Variants in TNKS observed in about 807,000 individuals in gnomAD.
The protein encoded by TNKS is poly [ADP-ribose] polymerase tankyrase-1.
Under a neutral mutation model 135.8 loss-of-function variants are expected in TNKS, and 72 were observed. The ratio of observed to expected loss-of-function variants is 0.53; its 90% CI spans 0.44 to 0.64. The LOEUF (loss-of-function observed/expected upper bound fraction) is 0.64, where lower values mean the gene tolerates loss of function less well. TNKS is among the 30% of genes least tolerant of loss of function. The pLI is 0.00. For missense variants in TNKS, 1,769 were observed against 1,674.0 expected, an observed-to-expected ratio of 1.06 and a Z score of -0.99; for synonymous variants, 849 against 649.3, an observed-to-expected ratio of 1.31 and a Z score of -4.68.
intron 3 of TNKS, among the ~76,000 whole-genome samples, chr8:9,672,700 AC>A (rs1802344747): frequency 1.6e-5 from 2 of 125,964 alleles, no homozygotes; most frequent in African/African-American, 2.9e-5. Flanking sequence ...ACACACACAC[AC>A]ACACACACAC....
At chr8:9,772,229 T>C in intron 26 of TNKS, 1 of 359,914 alleles carries the variant, frequency 2.8e-6, no homozygotes, top group Non-Finnish European at 5.4e-6. Context: ...ATTTGCGTGG[T>C]TTTCTTATTA....
At chr8:9,726,123 G>A (rs1805147751) in intron 12 of TNKS, among the ~76,000 whole-genome samples, 2 of 152,178 alleles carry the variant, frequency 1.3e-5, no homozygotes, top group Non-Finnish European at 2.9e-5. Flanking sequence ...GGGCGCAGTG[G>A]CTCACATCTG....
In TNKS at chr8:9,600,302, G is replaced by C. The variant is rs555722113; in HGVS notation, c.899-15280G>C. On this transcript the variant is annotated intron_variant, in intron 2 of 26. Coordinates refer to ENST00000310430, the MANE Select transcript of TNKS (RefSeq NM_003747.3). Reference sequence around the variant, plus strand: ...GAACTTTATTTTTTTGAACTTTTAAGAATTTTAATTAAAAGTTGTGGGGTT... The same window carrying C: ...GAACTTTATTTTTTTGAACTTTTAACAATTTTAATTAAAAGTTGTGGGGTT... Among the ~76,000 whole-genome samples the C allele has an allele frequency of 3.9e-5, 6 of 152,156 alleles. No individual in the cohort carries two copies. In the East Asian group the frequency reaches 9.7e-4, roughly 24 times the overall value.
intron 14 of TNKS, among the ~76,000 whole-genome samples, chr8:9,732,776 C>A (rs1387480059): frequency 3.3e-5 from 5 of 152,082 alleles, no homozygotes; most frequent in Non-Finnish European, 5.9e-5. Flanking sequence ...TAGTTGACAT[C>A]GTCATTTTTC....
intron 3 of TNKS, among the ~76,000 whole-genome samples, chr8:9,636,131 G>A (rs571386449): frequency 4.9e-4 from 75 of 152,270 alleles, no homozygotes; most frequent in African/African-American, 1.8e-3. Flanking sequence ...TAAAAAATTG[G>A]TTGTTACATA....
intron 3 of TNKS, among the ~76,000 whole-genome samples, chr8:9,663,667 C>G (rs1444101234): frequency 5.9e-5 from 9 of 152,198 alleles, no homozygotes; most frequent in Non-Finnish European, 1.2e-4. Context: ...ATTGGGGGTT[C>G]CCATGACCTC....
rs556857809 is a variant in TNKS, at chr8:9,780,362, T to TC, written c.*3627dup. The stretch of plus-strand genomic sequence containing the variant: ...TGTGTTTTCTGTTGGACTAATTGTC[T>TC]CACGTAAAGCTATAGACCTTACTAA... On this transcript the variant is annotated 3_prime_UTR_variant, in exon 27 of 27. Coordinates refer to ENST00000310430, the MANE Select transcript of TNKS (RefSeq NM_003747.3). 4.7e-4 allele frequency: 72 copies of TC among 152,332 alleles called. No homozygotes were observed. Among genetic ancestry groups the TC allele is most frequent in the African/African-American group, 1.6e-3 (68 of 41,580 alleles). 9.4% of individuals were successfully genotyped at this position (152,332 alleles called of 1,614,324 possible).
intron 20 of TNKS, among the ~76,000 whole-genome samples, chr8:9,757,521 C>T (rs1806902952): frequency 6.6e-6 from 1 of 152,130 alleles, no homozygotes; most frequent in African/African-American, 2.4e-5. Context: ...GCTCCTGCTG[C>T]TTAGCTGAAT....
Position 9,680,164 on chromosome 8 carries a change from TGTG to T in TNKS, c.1031+181_1031+183del, listed in dbSNP as rs34977467. Among the ~76,000 whole-genome samples the T allele has an allele frequency of 2.4e-3, 369 of 152,296 alleles. 2 individuals are homozygous for T. The highest frequency in any genetic ancestry group is 4.1e-3 in the Admixed American group (62 of 15,292). On this transcript the variant is annotated intron_variant, in intron 4 of 26. Coordinates refer to ENST00000310430, the MANE Select transcript of TNKS (RefSeq NM_003747.3). ...TATTGTATATAATAAAATCTTTTCA[TGTG>T]GTGATGATTATAAGGTTAATTTTAT...
intron 3 of TNKS, among the ~76,000 whole-genome samples, chr8:9,619,187 G>C (rs2128766904): frequency 6.6e-6 from 1 of 152,258 alleles, no homozygotes; most frequent in African/African-American, 2.4e-5. Flanking sequence ...AGGAAGCTTT[G>C]GAAAATGAGG....
intron 5 of TNKS, among the ~76,000 whole-genome samples, chr8:9,688,623 C>T (rs1014830212): frequency 6.6e-6 from 1 of 151,912 alleles, no homozygotes; most frequent in Admixed American, 6.6e-5. Flanking sequence ...TTCTGGTGAG[C>T]AAGTTTTTTT....
rs1805526596 is a variant in TNKS, at chr8:9,733,154, G to A, written c.2148-125G>A. 6 of 696,496 alleles carry A rather than the reference G, an allele frequency of 8.6e-6. No homozygotes were observed. In the South Asian group the frequency reaches 1.0e-4, roughly 12 times the overall value. 43.1% of individuals were successfully genotyped at this position (696,496 alleles called of 1,614,324 possible). On this transcript the variant is annotated intron_variant, in intron 14 of 26. Coordinates refer to ENST00000310430, the MANE Select transcript of TNKS (RefSeq NM_003747.3). ...TATATCTTAAAGAACAGAGGTGGGTGTATTTCTTTTTGCGCAGTGTTCAGT... is the reference window on the plus strand; with the variant it reads ...TATATCTTAAAGAACAGAGGTGGGTATATTTCTTTTTGCGCAGTGTTCAGT...
chr8:9,683,461 C>T (rs1802865447), intron 5 of TNKS, among the ~76,000 whole-genome samples: 1 of 151,950 alleles, frequency 6.6e-6, no homozygotes, highest in Non-Finnish European at 1.5e-5. Flanking sequence ...CATTTTAGAA[C>T]ACAGCGTAGA....
rs182501942 is a variant in TNKS at position 9,658,352 on chromosome 8, C to T, written c.995-21599C>T. ...GCTCCTCCAGCCGCTGCCTCCCAGGCGGCGCTCGCCGGCGCGGCGGCAAAG... is the reference window on the plus strand; with the variant it reads ...GCTCCTCCAGCCGCTGCCTCCCAGGTGGCGCTCGCCGGCGCGGCGGCAAAG... On this transcript the variant is annotated intron_variant, in intron 3 of 26. Transcript: ENST00000310430. The T allele has an allele frequency of 2.5e-3, 2,891 of 1,160,676 alleles. 60 individuals are homozygous for T. In the African/African-American group the frequency reaches 0.04, roughly 16 times the overall value. 71.9% of individuals were successfully genotyped at this position (1,160,676 alleles called of 1,614,324 possible). A position where few individuals can be genotyped will look rare whatever the true frequency, so the allele number is the denominator to read the frequency against.
At chr8:9,703,152 T>A (rs1803894887) in intron 5 of TNKS, among the ~76,000 whole-genome samples, 1 of 152,190 alleles carries the variant, frequency 6.6e-6, no homozygotes. Flanking sequence ...TACCAAACCC[T>A]ATATATGGTT....
chr8:9,729,025 T>C (rs1805292234), intron 13 of TNKS, among the ~76,000 whole-genome samples: 1 of 152,212 alleles, frequency 6.6e-6, no homozygotes, highest in Admixed American at 6.5e-5. Context: ...AAGATCCAGG[T>C]ACTCGTAGGC....
intron 2 of TNKS, among the ~76,000 whole-genome samples, chr8:9,604,070 A>G (rs1049706046): frequency 1.3e-5 from 2 of 152,202 alleles, no homozygotes; most frequent in Non-Finnish European, 2.9e-5. Context: ...TACTACATTT[A>G]TATCAAAGAG....
chr8:9,580,340 T>A lies in TNKS; in HGVS notation c.855T>A (p.Pro285=). The change falls in exon 2 of 27, where the codon CCT becomes CCA. Residue 285 remains proline, a synonymous_variant. Transcript: ENST00000310430. ...CCAGGGATAACTGGAACTATACACC[T>A]CTGCATGAAGCTGCTATTAAAGGGA... ...PNARDNWNYT[P]LHEAAIKGKI... 4 of 1,614,190 alleles carry A rather than the reference T, an allele frequency of 2.5e-6. No homozygotes were observed. Among genetic ancestry groups the A allele is most frequent in the Non-Finnish European group, 3.4e-6 (4 of 1,180,038 alleles).
intron 3 of TNKS, among the ~76,000 whole-genome samples, chr8:9,675,854 G>A (rs1377016377): frequency 6.6e-6 from 1 of 152,108 alleles, no homozygotes; most frequent in Non-Finnish European, 1.5e-5. Context: ...ACCAATTTCA[G>A]ATGATCCCTT....
Sources: allele counts gnomAD v4.1 joint callset (sites outside exome capture counted in the v4.1 genomes callset), GRCh38; gene constraint gnomAD v4.1.1; transcripts MANE v1.5; gene names NCBI Gene and HGNC (gene_info 2026-07-23, HGNC 2026-07-21).